Variants in MPP7 observed in about 807,000 individuals in gnomAD.
MPP7 encodes MAGUK p55 scaffold protein 7.
A neutral mutation model predicts 76.5 loss-of-function variants in MPP7; 60 were observed. That is an observed-to-expected ratio of 0.78 (90% CI 0.64 to 0.97). MPP7 has a LOEUF of 0.97. Among genes scored for constraint, MPP7 ranks in the 50% least tolerant of loss-of-function variants. The pLI is 0.00. For missense variants in MPP7, 641 were observed against 694.0 expected (o/e 0.92, Z 0.86); for synonymous variants, 237 against 244.5 (o/e 0.97, Z 0.29).
chr10:28,174,457 C>T (rs1296805265), intron 3 of MPP7, among the ~76,000 whole-genome samples: 2 of 152,158 alleles, frequency 1.3e-5, no homozygotes, highest in African/African-American at 4.8e-5. Flanking sequence ...CACCATAGGA[C>T]ACGCATATGC....
At chr10:28,271,500 C>T (rs1236765321) in intron 1 of MPP7, among the ~76,000 whole-genome samples, 5 of 152,202 alleles carry the variant, frequency 3.3e-5, no homozygotes, top group African/African-American at 1.2e-4. Flanking sequence ...AATGTATGAA[C>T]TGCAGATCCT....
At chr10:28,314,149 A>T (rs1439461989) in intron 2 of MPP7, among the ~76,000 whole-genome samples, 1 of 152,192 alleles carries the variant, frequency 6.6e-6, no homozygotes, top group East Asian at 1.9e-4. Context: ...ACTTCATCTT[A>T]AGTCATTAAT....
intron 3 of MPP7, among the ~76,000 whole-genome samples, chr10:28,188,283 A>C (rs1837299814): frequency 6.6e-6 from 1 of 152,174 alleles, no homozygotes; most frequent in Non-Finnish European, 1.5e-5. Context: ...AAGAAGATAA[A>C]TTGTATATTT....
At chr10:28,324,219 C>A (rs1834391151) in intron 2 of MPP7, among the ~76,000 whole-genome samples, 1 of 152,082 alleles carries the variant, frequency 6.6e-6, no homozygotes, top group African/African-American at 2.4e-5. Context: ...GCTCCCTGGC[C>A]CCTCTGCCAC....
chr10:28,320,396 T>A (rs920397006), intron 2 of MPP7, among the ~76,000 whole-genome samples: 2 of 107,742 alleles, frequency 1.9e-5, no homozygotes. Flanking sequence ...TCAATAGAAG[T>A]TACTGAAGAT....
chr10:28,324,784 T>G (rs1379816634), intron 2 of MPP7, among the ~76,000 whole-genome samples: 2 of 152,248 alleles, frequency 1.3e-5, no homozygotes, highest in African/African-American at 4.8e-5. Flanking sequence ...CTCTACCCAC[T>G]GGTTTATACA....
At chr10:28,274,365 C>T (rs1840426576) in intron 1 of MPP7, among the ~76,000 whole-genome samples, 1 of 151,580 alleles carries the variant, frequency 6.6e-6, no homozygotes. Context: ...TCCCAAAGTG[C>T]TGGGATTACA....
chr10:28,302,549 C>A (rs905981964), intron 1 of MPP7, among the ~76,000 whole-genome samples: 3 of 152,316 alleles, frequency 2.0e-5, no homozygotes, highest in Non-Finnish European at 4.4e-5. Flanking sequence ...CTCCACCTGT[C>A]GGTTCTCCCC....
chr10:28,147,231 CA>C (rs1363718323), intron 5 of MPP7, among the ~76,000 whole-genome samples: 1 of 152,136 alleles, frequency 6.6e-6, no homozygotes, highest in Non-Finnish European at 1.5e-5. Flanking sequence ...TTACTTAAAA[CA>C]AAAATGACCT....
At chr10:28,325,455 G>C (rs2447629) in intron 2 of MPP7, among the ~76,000 whole-genome samples, 1 of 151,612 alleles carries the variant, frequency 6.6e-6, no homozygotes, top group Admixed American at 6.6e-5. Flanking sequence ...GTTTGAGACC[G>C]ACCAGGGCAA....
chr10:28,133,207 T>C (rs1211513725), intron 5 of MPP7, among the ~76,000 whole-genome samples: 1 of 152,228 alleles, frequency 6.6e-6, no homozygotes, highest in Non-Finnish European at 1.5e-5. Context: ...TGGCCCATTT[T>C]CAAGTCTGCA....
intron 3 of MPP7, among the ~76,000 whole-genome samples, chr10:28,151,095 A>G (rs1835869573): frequency 6.6e-6 from 1 of 152,098 alleles, no homozygotes; most frequent in African/African-American, 2.4e-5. Context: ...CTCTTTAATT[A>G]TACTCAAAGC....
At chr10:28,180,327 GA>G (rs1837019933) in intron 3 of MPP7, among the ~76,000 whole-genome samples, 1 of 152,090 alleles carries the variant, frequency 6.6e-6, no homozygotes, top group South Asian at 2.1e-4. Context: ...GTAAAACAGG[GA>G]CATCTTACAA....
intron 4 of MPP7, among the ~76,000 whole-genome samples, chr10:28,148,683 C>T (rs1236001869): frequency 2.0e-5 from 3 of 152,106 alleles, no homozygotes; most frequent in African/African-American, 4.8e-5. Flanking sequence ...CATTTGCACA[C>T]TTTAGTCACT....
chr10:28,249,618 T>A (rs1839548328), intron 1 of MPP7, among the ~76,000 whole-genome samples: 2 of 152,152 alleles, frequency 1.3e-5, no homozygotes, highest in East Asian at 1.9e-4. Context: ...CCAGTCCCCT[T>A]GACATCTCGT....
chr10:28,211,319 C>T (rs747782766), intron 2 of MPP7, among the ~76,000 whole-genome samples: 48 of 152,170 alleles, frequency 3.2e-4, no homozygotes, highest in Non-Finnish European at 4.3e-4. Context: ...GACTTACAAT[C>T]AGGGTATGTT....
chr10:28,314,867 G>C (rs901479080), intron 2 of MPP7, among the ~76,000 whole-genome samples: 1 of 152,112 alleles, frequency 6.6e-6, no homozygotes, highest in Non-Finnish European at 1.5e-5. Flanking sequence ...AAGAAAAAAG[G>C]CCGGACACAG....
chr10:28,065,136 T>C (rs961524637), intron 13 of MPP7, among the ~76,000 whole-genome samples: 1 of 152,182 alleles, frequency 6.6e-6, no homozygotes, highest in African/African-American at 2.4e-5. Flanking sequence ...TTTCTGTGCA[T>C]TGATTTCTTT....
chr10:28,334,993 T>C (rs1185707156), upstream of MPP7, among the ~76,000 whole-genome samples: 3 of 152,202 alleles, frequency 2.0e-5, no homozygotes, highest in African/African-American at 7.2e-5. Context: ...TGTTTTAGGA[T>C]CACTCACGAG....
Sources: allele counts gnomAD v4.1 joint callset (sites outside exome capture counted in the v4.1 genomes callset), GRCh38; gene constraint gnomAD v4.1.1; transcripts MANE v1.5; gene names NCBI Gene and HGNC (gene_info 2026-07-23, HGNC 2026-07-21).